CD55: variants seen among roughly 807,000 people sequenced by gnomAD.
The protein encoded by CD55 is CD55 molecule (Cromer blood group), also known as complement decay-accelerating factor.
CD55 carries 41 observed loss-of-function variants against 45.8 expected under a neutral mutation model. That is an observed-to-expected ratio of 0.90 (90% CI 0.70 to 1.16). The LOEUF (loss-of-function observed/expected upper bound fraction) is 1.16, where lower values mean the gene tolerates loss of function less well. Ranked by LOEUF, CD55 falls within the 50% of genes most tolerant of loss-of-function variation. The pLI, the probability that CD55 is intolerant of heterozygous loss-of-function variation, is 0.00. For synonymous variants in CD55, 181 were observed against 181.1 expected (o/e 1.00, Z 0.01); for missense variants, 416 against 469.8 (o/e 0.89, Z 1.06).
At chr1:207,342,729 GT>G (rs1251995738) in intron 9 of CD55, among the ~76,000 whole-genome samples, 2 of 152,054 alleles carry the variant, frequency 1.3e-5, no homozygotes, top group Non-Finnish European at 2.9e-5. Context: ...GTTAGGGAAA[GT>G]TTCCTCCTCT....
chr1:207,344,367 T>G (rs1274872809), intron 9 of CD55, among the ~76,000 whole-genome samples: 1 of 152,226 alleles, frequency 6.6e-6, no homozygotes, highest in Non-Finnish European at 1.5e-5. Flanking sequence ...TTCTTTCTCT[T>G]CTGGGTATAG....
Position 207,355,122 on chromosome 1 carries a change from A to G in CD55, c.1082-4424A>G, listed in dbSNP as rs28371642. On this transcript the variant is annotated intron_variant, in intron 9 of 9. Transcript: ENST00000367064. ...TAAACTTCTAAAGTAAAATACTGTAAAAACTTACCTGTGGTAGAAATAGCT... is the reference window on the plus strand; with the variant it reads ...TAAACTTCTAAAGTAAAATACTGTAGAAACTTACCTGTGGTAGAAATAGCT... Among the ~76,000 whole-genome samples the G allele has an allele frequency of 5.4e-3, 823 of 152,332 alleles. 1 individual carries two copies. The highest frequency in any genetic ancestry group is 0.018 in the African/African-American group (736 of 41,574).
chr1:207,332,138 T>G (rs1654973436), intron 6 of CD55, among the ~76,000 whole-genome samples: 1 of 152,108 alleles, frequency 6.6e-6, no homozygotes, highest in Non-Finnish European at 1.5e-5. Flanking sequence ...CTATCACTAG[T>G]CCTACTCGGA....
chr1:207,360,505 A>G lies in CD55; in HGVS notation c.*895A>G, dbSNP rs1249680723. ...ATAAATGATCCCATTTTTTGGTATCATGTAGTATGTGAAATTTATTCTTAA... is the reference window on the plus strand; with the variant it reads ...ATAAATGATCCCATTTTTTGGTATCGTGTAGTATGTGAAATTTATTCTTAA... On this transcript the variant is annotated 3_prime_UTR_variant, in exon 10 of 10. Transcript: ENST00000367064. 6.6e-6 allele frequency: 1 copy of G among 152,140 alleles called. No homozygotes were observed. Among genetic ancestry groups the G allele is most frequent in the Non-Finnish European group, 1.5e-5 (1 of 67,998 alleles). The allele number at this position is 152,140 out of a possible 1,614,324, so 9.4% of individuals were successfully genotyped here. A position where few individuals can be genotyped will look rare whatever the true frequency, so the allele number is the denominator to read the frequency against.
intron 1 of CD55, 112 bp downstream of exon 1, chr1:207,321,977 C>A: frequency 1.4e-6 from 1 of 735,334 alleles, no homozygotes; most frequent in Non-Finnish European, 2.2e-6. Flanking sequence ...GCTTGGCCCG[C>A]GGTCGTGGTT....
intron 9 of CD55, among the ~76,000 whole-genome samples, chr1:207,344,563 C>T (rs1572893660): frequency 1.3e-5 from 2 of 152,108 alleles, no homozygotes; most frequent in African/African-American, 2.4e-5. Context: ...CCCGTTCTCT[C>T]CTGGCCTGTA....
rs748840094 is a variant in CD55 at position 207,331,173 on chromosome 1, G to T, written c.730G>T (p.Gly244Ter). ...AATTCAAGGGGAACGTGACCATTAT[G>T]GATATAGACAGTCTGTAACGTATGC... ...GIIQGERDHY[G>*]YRQSVTYACN... is the part of the protein sequence containing the mutation. The change falls in exon 6 of 10, where the codon GGA becomes TGA. Residue 244 changes from glycine (G) to a stop codon, truncating the protein, a stop_gained. Transcript: ENST00000367064. LOFTEE classifies it high-confidence loss of function. 1.2e-6 allele frequency: 2 copies of T among 1,613,422 alleles called. No homozygotes were observed. Among genetic ancestry groups the T allele is most frequent in the Non-Finnish European group, 1.7e-6 (2 of 1,179,418 alleles).
At chr1:207,349,081 A>T (rs534196069) in intron 9 of CD55, among the ~76,000 whole-genome samples, 1 of 151,936 alleles carries the variant, frequency 6.6e-6, no homozygotes, top group African/African-American at 2.4e-5. Context: ...TTTAGAATGT[A>T]TATTTTTTAA....
At chr1:207,359,080 G>T (rs896559865) in intron 9 of CD55, among the ~76,000 whole-genome samples, 8 of 152,046 alleles carry the variant, frequency 5.3e-5, no homozygotes, top group Non-Finnish European at 1.2e-4. Flanking sequence ...CATGTTTATA[G>T]ATCTTAAAAG....
intron 1 of CD55, 187 bp from the exon 2 acceptor site, chr1:207,322,195 G>A (rs559446916): frequency 5.0e-5 from 36 of 720,048 alleles, no homozygotes; most frequent in African/African-American, 4.0e-4. Flanking sequence ...GGTCTAAAAG[G>A]ATGGGAGGCC....
At chr1:207,324,240 A>G (rs996177523) in intron 2 of CD55, among the ~76,000 whole-genome samples, 15 of 151,920 alleles carry the variant, frequency 9.9e-5, no homozygotes, top group African/African-American at 2.9e-4. Context: ...GTAGTTCTTT[A>G]GGGCAGGGTA....
chr1:207,331,594 T>C (rs1232088372), intron 6 of CD55, among the ~76,000 whole-genome samples: 3 of 152,194 alleles, frequency 2.0e-5, no homozygotes, highest in African/African-American at 7.2e-5. Flanking sequence ...AGTAAGTTAA[T>C]ATAGGTACTT....
intron 9 of CD55, among the ~76,000 whole-genome samples, chr1:207,355,688 A>G (rs542996166): frequency 6.6e-6 from 1 of 152,186 alleles, no homozygotes; most frequent in Non-Finnish European, 1.5e-5. Context: ...TAAACTAGGT[A>G]AATGTCCTTC....
At position 207,324,695 on chromosome 1, in the gene CD55, A is replaced by G; in HGVS notation, c.423A>G (p.Pro141=). Residue 141 remains proline (P), a synonymous_variant, in exon 3 of 10, where the codon CCA becomes CCG. Transcript: ENST00000367064. ...ACAGAAGAGAACCTTCTCTATCACC[A>G]AAACTAACTTGCCTTCAGAATTTAA... ...PGYRREPSLS[P]KLTCLQNLKW... 6.2e-7 allele frequency: 1 copy of G among 1,613,580 alleles called. No individual in the cohort carries two copies. Among genetic ancestry groups the G allele is most frequent in the South Asian group, 1.1e-5 (1 of 90,932 alleles).
chr1:207,330,189 A>G (rs769863722), intron 5 of CD55, among the ~76,000 whole-genome samples: 1 of 152,192 alleles, frequency 6.6e-6, no homozygotes, highest in South Asian at 2.1e-4. Context: ...GTTAGTGTAA[A>G]TCAGAACAGC....
intron 7 of CD55, 96 bp from the exon 8 acceptor site, chr1:207,337,233 A>C: frequency 1.2e-6 from 1 of 803,802 alleles, no homozygotes; most frequent in Non-Finnish European, 2.1e-6. Context: ...GCATTTACGC[A>C]GAGTCCTTCA....
chr1:207,359,601 G>T lies in CD55; in HGVS notation c.1137G>T (p.Leu379Phe), dbSNP rs769835011. The T allele has an allele frequency of 1.3e-6, 2 of 1,590,194 alleles. No individual in the cohort carries two copies. The highest frequency in any genetic ancestry group is 1.1e-5 in the South Asian group (1 of 87,770). ...TTGGGACGCTAGTAACCATGGGCTT[G>T]CTGACTTAGCCAAAGAAGAGTTAAG... The part of the protein sequence containing the change: ...GLLGTLVTMG[L>F]LT Residue 379 changes from leucine to phenylalanine, a missense_variant, in exon 10 of 10, where the codon TTG becomes TTT. Leu to Phe is a conservative substitution (Grantham distance 22). Transcript: ENST00000367064.
At chr1:207,335,234 A>C (rs1469750387) in intron 6 of CD55, among the ~76,000 whole-genome samples, 2 of 152,196 alleles carry the variant, frequency 1.3e-5, no homozygotes, top group Non-Finnish European at 2.9e-5. Flanking sequence ...AAGCAACCAA[A>C]AATCAGTGAG....
At chr1:207,337,870 G>A (rs1655255140) in intron 8 of CD55, among the ~76,000 whole-genome samples, 2 of 152,070 alleles carry the variant, frequency 1.3e-5, no homozygotes, top group East Asian at 1.9e-4. Flanking sequence ...TGTCGTCTAA[G>A]TAATTGAAAA....
Sources: gnomAD v4.1 joint callset for allele counts (sites outside exome capture counted in the v4.1 genomes callset) on GRCh38, gnomAD v4.1.1 for gene constraint, MANE v1.5 for transcripts, NCBI Gene and HGNC (gene_info 2026-07-23, HGNC 2026-07-21) for gene names.